The following MYO10 variants were observed in gnomAD, a reference collection of about 807,000 sequenced individuals.
MYO10 encodes the protein unconventional myosin-X.
A neutral mutation model predicts 257.3 loss-of-function variants in MYO10; 133 were observed. The observed-to-expected ratio is 0.52, with a 90% CI of 0.45 to 0.60. The LOEUF (loss-of-function observed/expected upper bound fraction) is 0.60. MYO10 is among the 20% of genes least tolerant of loss of function. MYO10 has a pLI of 0.00. For missense variants in MYO10, 2,399 were observed against 2,635.7 expected, an observed-to-expected ratio of 0.91 and a Z score of 1.97; for synonymous variants, 1,104 against 1,028.6, an observed-to-expected ratio of 1.07 and a Z score of -1.40.
At position 16,764,979 on chromosome 5, in the gene MYO10, G is replaced by A. The variant is rs778093175; in HGVS notation, c.1180-583C>T. On this transcript the variant is annotated intron_variant, in intron 11 of 40. Coordinates refer to ENST00000513610, the MANE Select transcript of MYO10 (RefSeq NM_012334.3). ...GCTGGGATTACAGGTGTGAGCCACC[G>A]CACCTGGCACCAGGTTTAAAACAAT... is the stretch of plus-strand genomic sequence containing the variant. 1.2e-4 allele frequency among the ~76,000 whole-genome samples: 18 copies of A among 152,100 alleles called. No homozygotes were observed. The South Asian group carries it at 1.9e-3, about 16-fold the overall frequency.
intron 31 of MYO10, 34 bp from the exon 32 acceptor site, chr5:16,681,537 T>A: frequency 6.4e-7 from 1 of 1,561,416 alleles, no homozygotes; most frequent in Non-Finnish European, 8.7e-7. Flanking sequence ...AATTAAAATC[T>A]GTGAGGAGAA....
chr5:16,741,161 T>C (rs1740005027), intron 19 of MYO10, among the ~76,000 whole-genome samples: 2 of 152,202 alleles, frequency 1.3e-5, no homozygotes, highest in Admixed American at 6.5e-5. Flanking sequence ...TTTTGTTCTT[T>C]CTTTGGGGAC....
At chr5:16,728,187 C>T (rs964904954) in intron 19 of MYO10, among the ~76,000 whole-genome samples, 4 of 152,178 alleles carry the variant, frequency 2.6e-5, no homozygotes, top group Non-Finnish European at 5.9e-5. Context: ...CTGCACCTGC[C>T]GCTCCAACTT....
At chr5:16,720,713 C>T (rs1561208687) in intron 19 of MYO10, among the ~76,000 whole-genome samples, 1 of 152,222 alleles carries the variant, frequency 6.6e-6, no homozygotes, top group Non-Finnish European at 1.5e-5. Context: ...CCGCCTTGGC[C>T]TCCCAAATTG....
rs182634494 is a variant in MYO10 at position 16,898,669 on chromosome 5, A to C, written c.22-20962T>G. On this transcript the variant is annotated intron_variant, in intron 1 of 40. Transcript: ENST00000513610. ...GGTGATCCACCCACCTCAGCCTCTC[A>C]AAGTGCTGGGATTACAGGTGTGAGC... Among the ~76,000 whole-genome samples the C allele has an allele frequency of 1.2e-3, 184 of 151,578 alleles. 1 individual carries two copies. The highest frequency in any genetic ancestry group is 2.4e-3 in the Non-Finnish European group (164 of 67,902).
chr5:16,691,044 C>T (rs1052272757), intron 27 of MYO10, among the ~76,000 whole-genome samples: 15 of 151,474 alleles, frequency 9.9e-5, no homozygotes, highest in Admixed American at 5.9e-4. Flanking sequence ...CTGAGGCGGG[C>T]GGATCATGAG....
At chr5:16,933,516 C>G (rs1415886344) in intron 1 of MYO10, among the ~76,000 whole-genome samples, 1 of 152,192 alleles carries the variant, frequency 6.6e-6, no homozygotes, top group South Asian at 2.1e-4. Flanking sequence ...GTCATTTACC[C>G]CTAAGCCACA....
At chr5:16,898,226 T>G (rs1007166036) in intron 1 of MYO10, among the ~76,000 whole-genome samples, 1 of 148,088 alleles carries the variant, frequency 6.8e-6, no homozygotes, top group Non-Finnish European at 1.5e-5. Flanking sequence ...AAGCCACATA[T>G]GTAATTTTAA....
In MYO10 at chr5:16,670,862, T is replaced by G. The variant is rs1479243845; in HGVS notation, c.5547A>C (p.Pro1849=). 2 of 1,613,748 alleles carry G rather than the reference T, an allele frequency of 1.2e-6. No homozygotes were observed. Among genetic ancestry groups the G allele is most frequent in the Non-Finnish European group, 1.7e-6 (2 of 1,179,856 alleles). ...QGDYTLHAAI[P]PLEEVYSLQR... ...GCAGGGAATAAACCTCTTCGAGAGG[T>G]GGGATGGCAGCGTGCAGAGTATAAT... The change falls in exon 39 of 41, where the codon CCA becomes CCC. Residue 1849 remains proline, a synonymous_variant. Coordinates refer to ENST00000513610, the MANE Select transcript of MYO10 (RefSeq NM_012334.3).
At chr5:16,776,131 A>C (rs755380897) in intron 9 of MYO10, among the ~76,000 whole-genome samples, 4 of 151,590 alleles carry the variant, frequency 2.6e-5, no homozygotes, top group Non-Finnish European at 5.9e-5. Context: ...TCCTGTGCTC[A>C]AGTGATCTGC....
intron 19 of MYO10, among the ~76,000 whole-genome samples, chr5:16,745,110 C>T (rs1044999346): frequency 1.3e-5 from 2 of 152,130 alleles, no homozygotes; most frequent in Non-Finnish European, 2.9e-5. Context: ...GAGGCAGAGG[C>T]GTGTGGATCA....
At chr5:16,819,946 A>G (rs1367836959) in intron 2 of MYO10, among the ~76,000 whole-genome samples, 1 of 152,214 alleles carries the variant, frequency 6.6e-6, no homozygotes, top group Non-Finnish European at 1.5e-5. Context: ...GTCTCTTATG[A>G]AGAAAAGCCA....
At chr5:16,700,066 G>T (rs1737970767) in intron 25 of MYO10, among the ~76,000 whole-genome samples, 1 of 152,086 alleles carries the variant, frequency 6.6e-6, no homozygotes, top group Admixed American at 6.6e-5. Context: ...TCAAATCTTT[G>T]AAAGTCAAGA....
intron 1 of MYO10, among the ~76,000 whole-genome samples, chr5:16,918,500 C>CTTTTTTT (rs5866221): frequency 9.5e-4 from 112 of 117,598 alleles, no homozygotes; most frequent in Non-Finnish European, 1.1e-3. Flanking sequence ...TTTTTCTTTT[C>CTTTTTTT]TTTTTTTTTT....
At chr5:16,788,782 G>A (rs777827840) in intron 4 of MYO10, among the ~76,000 whole-genome samples, 50 of 152,088 alleles carry the variant, frequency 3.3e-4, no homozygotes, top group Non-Finnish European at 6.2e-4. Context: ...GCGCCATGGT[G>A]GGGGGCGTGG....
At chr5:16,802,753 A>G (rs1353255854) in intron 3 of MYO10, among the ~76,000 whole-genome samples, 1 of 152,102 alleles carries the variant, frequency 6.6e-6, no homozygotes, top group African/African-American at 2.4e-5. Flanking sequence ...CTAAGTATAA[A>G]GAGAGATTAA....
intron 29 of MYO10, 39 bp downstream of exon 29, chr5:16,685,699 C>CCA: frequency 2.1e-6 from 3 of 1,403,942 alleles, no homozygotes; most frequent in Non-Finnish European, 2.9e-6. Flanking sequence ...GTCCCTGCCC[C>CCA]TAGACGCCCC....
chr5:16,779,732 T>C, intron 8 of MYO10, 84 bp from the exon 9 acceptor site: 1 of 761,048 alleles, frequency 1.3e-6, no homozygotes, highest in East Asian at 2.7e-5. Context: ...TTAAAGTATA[T>C]ATATATAATT....
chr5:16,905,761 G>A (rs6889593), intron 1 of MYO10, among the ~76,000 whole-genome samples: 1,973 of 152,278 alleles, frequency 0.013, 42 homozygotes, highest in African/African-American at 0.045. Flanking sequence ...ACCAGTAAAA[G>A]TAAGAAATTT....
Sources: allele counts gnomAD v4.1 joint callset (sites outside exome capture counted in the v4.1 genomes callset), GRCh38; gene constraint gnomAD v4.1.1; transcripts MANE v1.5; gene names NCBI Gene and HGNC (gene_info 2026-07-23, HGNC 2026-07-21).